PHLDB2: variants seen among roughly 807,000 people sequenced by gnomAD.
PHLDB2 encodes the protein pleckstrin homology-like domain family B member 2.
In PHLDB2, 71 loss-of-function variants were observed where a neutral mutation model predicts 123.6. The observed-to-expected ratio is 0.57, with a 90% CI of 0.47 to 0.70. PHLDB2 has a LOEUF of 0.70. Ranked by LOEUF, PHLDB2 falls within the 30% of genes least tolerant of loss-of-function variation. The pLI, the probability that PHLDB2 is intolerant of heterozygous loss-of-function variation, is 0.00. For synonymous variants in PHLDB2, 547 were observed against 541.6 expected (o/e 1.01, Z -0.14); for missense variants, 1,446 against 1,519.5 (o/e 0.95, Z 0.80).
upstream of PHLDB2, among the ~76,000 whole-genome samples, chr3:111,855,919 T>C (rs1223472929): frequency 6.6e-6 from 1 of 152,068 alleles, no homozygotes; most frequent in Admixed American, 6.6e-5. Flanking sequence ...GCATGAGCCA[T>C]TGAGCCTGGA....
intron 1 of PHLDB2, among the ~76,000 whole-genome samples, chr3:111,877,640 C>T (rs1486207422): frequency 6.6e-6 from 1 of 152,090 alleles, no homozygotes; most frequent in African/African-American, 2.4e-5. Flanking sequence ...AAGTCTTTGC[C>T]CATGCCTATT....
intron 1 of PHLDB2, among the ~76,000 whole-genome samples, chr3:111,766,183 G>A (rs532051500): frequency 1.3e-5 from 2 of 152,272 alleles, no homozygotes; most frequent in South Asian, 4.1e-4. Flanking sequence ...TCTTATGCCT[G>A]TGATCCCAGC....
intron 1 of PHLDB2, among the ~76,000 whole-genome samples, chr3:111,782,538 T>C (rs778078608): frequency 6.6e-6 from 1 of 152,116 alleles, no homozygotes; most frequent in Non-Finnish European, 1.5e-5. Flanking sequence ...ACTCTCCCCA[T>C]AAGCTTGGCA....
intron 5 of PHLDB2, among the ~76,000 whole-genome samples, chr3:111,928,502 A>G (rs969894018): frequency 2.6e-5 from 4 of 152,198 alleles, no homozygotes; most frequent in Admixed American, 2.0e-4. Flanking sequence ...TATATTTAAA[A>G]GCTCTTCCAC....
intron 10 of PHLDB2, 83 bp from the exon 11 acceptor site, chr3:111,952,489 G>C: frequency 2.1e-6 from 3 of 1,453,248 alleles, no homozygotes; most frequent in Non-Finnish European, 2.8e-6. Flanking sequence ...AGTTTTTTTT[G>C]TAAGTGCATA....
At chr3:111,905,318 G>T (rs2067445957) in intron 2 of PHLDB2, among the ~76,000 whole-genome samples, 1 of 152,034 alleles carries the variant, frequency 6.6e-6, no homozygotes, top group Non-Finnish European at 1.5e-5. Context: ...GATGTAATGT[G>T]TCAAGAGATT....
In PHLDB2 at chr3:111,844,161, T is replaced by C. The variant is rs10934115; in HGVS notation, c.-48-1660T>C. Among the ~76,000 whole-genome samples the C allele has an allele frequency of 2.8e-4, 42 of 152,284 alleles. No individual in the cohort carries two copies. In the East Asian group the frequency reaches 5.4e-3, roughly 20 times the overall value. On this transcript the variant is annotated intron_variant, in intron 1 of 17. Transcript: ENST00000393923. ...TCTCCCAGGACATTCCTCTGTCACTTAATCTCTCTGTTTCCTAGATCTTTA... is the reference window on the plus strand; with the variant it reads ...TCTCCCAGGACATTCCTCTGTCACTCAATCTCTCTGTTTCCTAGATCTTTA...
chr3:111,732,605 C>T (rs1301461413), exon 1 of PHLDB2: 1 of 1,533,086 alleles, frequency 6.5e-7, no homozygotes, highest in Non-Finnish European at 8.7e-7. Context: ...TTCCCAACAT[C>T]CCACTCTCTT....
At chr3:111,868,395 A>G (rs1057343982) in intron 1 of PHLDB2, among the ~76,000 whole-genome samples, 1 of 152,110 alleles carries the variant, frequency 6.6e-6, no homozygotes, top group African/African-American at 2.4e-5. Flanking sequence ...TTTAATTGGT[A>G]TGCGCCCTCA....
At chr3:111,917,799 G>A (rs1201763971) in intron 3 of PHLDB2, 1 of 152,024 alleles carries the variant, frequency 6.6e-6, no homozygotes, top group African/African-American at 2.4e-5. Context: ...ATGACATGAT[G>A]GATGGCTTCT....
chr3:111,732,956 A>T (rs1259042295), intron 1 of PHLDB2, among the ~76,000 whole-genome samples: 2 of 152,082 alleles, frequency 1.3e-5, no homozygotes, highest in African/African-American at 4.8e-5. Context: ...TTTTTTAAAA[A>T]TTTTTCATTA....
At position 111,859,895 on chromosome 3, in the gene PHLDB2, GA is replaced by G; in HGVS notation, c.-15+320del. 3 of 985,740 alleles carry G rather than the reference GA, an allele frequency of 3.0e-6. No homozygotes were observed. The South Asian group carries it at 1.4e-4, about 46-fold the overall frequency. The allele number at this position is 985,740 out of a possible 1,614,324, so 61.1% of individuals were successfully genotyped here. A position where few individuals can be genotyped will look rare whatever the true frequency, so the allele number is the denominator to read the frequency against. ...GATGAGACGGTGAGTGGGCTCCGGGGACACAGAGTTTCTTTGCTTCTTTACA... is the reference window on the plus strand; with the variant it reads ...GATGAGACGGTGAGTGGGCTCCGGGGCACAGAGTTTCTTTGCTTCTTTACA... On this transcript the variant is annotated intron_variant, in intron 1 of 17. Coordinates refer to ENST00000431670, the MANE Select transcript of PHLDB2 (RefSeq NM_001134438.2).
intron 2 of PHLDB2, among the ~76,000 whole-genome samples, chr3:111,850,372 C>A (rs1353866005): frequency 6.6e-6 from 1 of 152,010 alleles, no homozygotes; most frequent in Non-Finnish European, 1.5e-5. Context: ...ATGATGGGTG[C>A]ACTAAAATAT....
intron 1 of PHLDB2, among the ~76,000 whole-genome samples, chr3:111,740,441 G>A (rs533139106): frequency 2.0e-5 from 3 of 152,146 alleles, no homozygotes; most frequent in South Asian, 4.2e-4. Flanking sequence ...GTGGGCAGAC[G>A]ATGCCATAAA....
chr3:111,873,990 C>T (rs112285445), intron 1 of PHLDB2, among the ~76,000 whole-genome samples: 1,680 of 152,228 alleles, frequency 0.011, 39 homozygotes, highest in African/African-American at 0.038. Context: ...TTTTAAAAAA[C>T]GGTGTTATAG....
rs191566317 is a variant in PHLDB2, at chr3:111,965,627, C to T, written c.3078-986C>T. ...GTTCTATGCTACAGGGATACAGGCA[C>T]GAAAGTCTGTCTGTATGTCCTCAAG... On this transcript the variant is annotated intron_variant, in intron 13 of 17. Coordinates refer to ENST00000431670, the MANE Select transcript of PHLDB2 (RefSeq NM_001134438.2). 1.7e-4 allele frequency among the ~76,000 whole-genome samples: 26 copies of T among 152,210 alleles called. No homozygotes were observed. The East Asian group carries it at 2.3e-3, about 14-fold the overall frequency.
At chr3:111,902,059 A>G (rs1185554213) in intron 2 of PHLDB2, among the ~76,000 whole-genome samples, 1 of 152,218 alleles carries the variant, frequency 6.6e-6, no homozygotes, top group East Asian at 1.9e-4. Context: ...AAAGTAAAAC[A>G]TTTCATAACC....
chr3:111,969,813 C>G lies in PHLDB2; in HGVS notation c.3439C>G (p.Arg1147Gly). The stretch of plus-strand genomic sequence containing the variant: ...TGTATCAATCACAGAGAAGACCTGC[C>G]GAGGATTCCTCATCAAAATGGGTGG... Reference protein sequence around the residue: ...YHVSITEKTCRGFLIKMGGKI... With the variant: ...YHVSITEKTCGGFLIKMGGKI... Residue 1147 changes from arginine to glycine, a missense_variant, in exon 16 of 18, where the codon CGA becomes GGA. By Grantham distance (125) the Arg-to-Gly change is moderately radical (BLOSUM62 -2). Around this residue, in one of 3 missense-constraint regions of PHLDB2, gnomAD observed 594 missense variants for 646.0 expected, o/e 0.92. Transcript: ENST00000431670. The G allele has an allele frequency of 6.2e-7, 1 of 1,613,972 alleles. No individual in the cohort carries two copies. The highest frequency in any genetic ancestry group is 8.5e-7 in the Non-Finnish European group (1 of 1,179,924).
At chr3:111,855,653 TGGCGACAA>T, upstream of PHLDB2, among the ~76,000 whole-genome samples, 1 of 128,314 alleles carries the variant, frequency 7.8e-6, no homozygotes. Context: ...TTTTTTTTTT[TGGCGACAA>T]GGTCTCACTC....
Sources: gnomAD v4.1 joint callset for allele counts (sites outside exome capture counted in the v4.1 genomes callset) on GRCh38, gnomAD v4.1.1 for gene constraint, gnomAD v4.1.1 regional missense constraint, MANE v1.5 for transcripts, NCBI Gene and HGNC (gene_info 2026-07-23, HGNC 2026-07-21) for gene names.